The following TRAPPC2L variants were observed in gnomAD, a reference collection of about 807,000 sequenced individuals.
TRAPPC2L encodes the protein trafficking protein particle complex subunit 2L.
Under a neutral mutation model 13.2 loss-of-function variants are expected in TRAPPC2L, and 17 were observed. The ratio of observed to expected loss-of-function variants is 1.29; its 90% CI spans 0.88 to 1.93. The LOEUF (loss-of-function observed/expected upper bound fraction) is 1.93, where lower values mean the gene tolerates loss of function less well. Ranked by LOEUF, TRAPPC2L falls within the 30% of genes most tolerant of loss-of-function variation. TRAPPC2L has a pLI of 0.00. For synonymous variants in TRAPPC2L, 150 were observed against 98.1 expected, an observed-to-expected ratio of 1.53 and a Z score of -3.12; for missense variants, 359 against 252.1, an observed-to-expected ratio of 1.42 and a Z score of -2.87.
chr16:88,859,377 G>A, intron 2 of TRAPPC2L: 1 of 694,744 alleles, frequency 1.4e-6, no homozygotes. Flanking sequence ...GATTCATGAA[G>A]AGGGTGAGGT....
intron 2 of TRAPPC2L, 32 bp from the exon 3 acceptor site, chr16:88,859,631 G>A (rs370652102): frequency 9.3e-6 from 15 of 1,607,012 alleles, no homozygotes; most frequent in African/African-American, 1.3e-5. Context: ...CAGTCCCTGT[G>A]TTACGAGTGC....
chr16:88,860,928 T>C, exon 4 of TRAPPC2L: 3 of 1,594,770 alleles, frequency 1.9e-6, no homozygotes, highest in Non-Finnish European at 2.6e-6. Flanking sequence ...TTTGATAACA[T>C]GGTGACGTCG....
At chr16:88,856,291 G>A (rs192411616), upstream of TRAPPC2L, 13 of 702,984 alleles carry the variant, frequency 1.8e-5, no homozygotes, top group African/African-American at 1.2e-4. Flanking sequence ...CCGAGGTGGC[G>A]GGAGTGATTC....
At chr16:88,860,063 G>A (rs771588693) in exon 4 of TRAPPC2L, 7 of 1,212,904 alleles carry the variant, frequency 5.8e-6, no homozygotes, top group Admixed American at 5.2e-5. Context: ...TGGAAAATAA[G>A]GGAGGAAAGA....
At chr16:88,856,507 C>T (rs536300891), upstream of TRAPPC2L, 81 of 698,354 alleles carry the variant, frequency 1.2e-4, 1 homozygote, top group South Asian at 1.0e-3. Flanking sequence ...GTGTGGTGAT[C>T]GGTGACCGCC....
rs147299835 is a variant in TRAPPC2L, at chr16:88,861,100, T to C, written c.*776T>C. The C allele has an allele frequency of 7.6e-4, 587 of 775,618 alleles. 3 individuals are homozygous for C. In the African/African-American group the frequency reaches 8.9e-3, roughly 12 times the overall value. 48.0% of individuals were successfully genotyped at this position (775,618 alleles called of 1,614,324 possible). The stretch of plus-strand genomic sequence containing the variant: ...CTGTGCATGTTCTCTCAACTAAAGG[T>C]CTTGTGAGAGGAGATTTGGCTTTTT... On this transcript the variant is annotated 3_prime_UTR_variant, in exon 4 of 4. Coordinates refer to ENST00000565504, the Ensembl canonical transcript of TRAPPC2L.
At chr16:88,859,725 C>A in exon 3 of TRAPPC2L, 2 of 1,613,972 alleles carry the variant, frequency 1.2e-6, no homozygotes, top group Non-Finnish European at 1.7e-6. Flanking sequence ...TCCAACACAG[C>A]CCTTCGAGAC....
chr16:88,858,884 G>A (rs1968180186), intron 2 of TRAPPC2L, 93 bp downstream of exon 2: 1 of 1,392,192 alleles, frequency 7.2e-7, no homozygotes, highest in Admixed American at 2.6e-5. Flanking sequence ...AGAAGAAAAA[G>A]AGGTGAGAGT....
intron 1 of TRAPPC2L, 110 bp from the exon 2 acceptor site, chr16:88,858,508 TG>T: frequency 8.4e-7 from 1 of 1,192,988 alleles, no homozygotes; most frequent in Non-Finnish European, 1.2e-6. Flanking sequence ...CCTTAGAGCA[TG>T]GGAATGCGTT....
At chr16:88,856,723 C>A (rs752837728), upstream of TRAPPC2L, 2 of 1,149,962 alleles carry the variant, frequency 1.7e-6, no homozygotes, top group South Asian at 1.5e-5. Flanking sequence ...CCCCGCCCCA[C>A]CCCGGCCCTG....
upstream of TRAPPC2L, chr16:88,856,856 TCGC>T (rs1266972363): frequency 6.6e-7 from 1 of 1,510,292 alleles, no homozygotes; most frequent in South Asian, 1.2e-5. Flanking sequence ...CACCACCTCG[TCGC>T]CGCGACAACC....
At chr16:88,857,613 C>T (rs181525785) in intron 1 of TRAPPC2L, among the ~76,000 whole-genome samples, 1 of 152,396 alleles carries the variant, frequency 6.6e-6, no homozygotes, top group Non-Finnish European at 1.5e-5. Context: ...CCTGAGACCT[C>T]TGCAGTGGCT....
chr16:88,857,272 CT>C, intron 1 of TRAPPC2L, 89 bp downstream of exon 1: 1 of 1,252,130 alleles, frequency 8.0e-7, no homozygotes. Flanking sequence ...TAGAAGGCAC[CT>C]TAGGAAATGG....
chr16:88,857,129 G>T (rs112064548), exon 1 of TRAPPC2L: 2 of 1,558,532 alleles, frequency 1.3e-6, no homozygotes, highest in African/African-American at 1.4e-5. Flanking sequence ...GTGACGCGGT[G>T]CCTGGCGCCG....
chr16:88,862,159 A>G (rs556392543), exon 4 of TRAPPC2L: 3 of 155,158 alleles, frequency 1.9e-5, no homozygotes, highest in Admixed American at 6.5e-5. Flanking sequence ...GCAGCCTGGC[A>G]TGAAATCTTT....
chr16:88,860,198 G>C, exon 4 of TRAPPC2L: 1 of 708,074 alleles, frequency 1.4e-6, no homozygotes, highest in Non-Finnish European at 2.6e-6. Flanking sequence ...GTGTGGTGTG[G>C]GGAGTAGAGC....
chr16:88,857,589 C>G (rs767273737), intron 1 of TRAPPC2L: 65 of 227,538 alleles, frequency 2.9e-4, no homozygotes, highest in Non-Finnish European at 4.5e-4. Flanking sequence ...AAATCGGATC[C>G]TGTCACGCCT....
intron 2 of TRAPPC2L, chr16:88,859,270 T>C (rs909530776): frequency 5.2e-6 from 3 of 574,630 alleles, no homozygotes; most frequent in Non-Finnish European, 9.9e-6. Flanking sequence ...CATTTGCTAG[T>C]AGCCACTATT....
chr16:88,861,692 C>A, exon 4 of TRAPPC2L: 1 of 479,572 alleles, frequency 2.1e-6, no homozygotes, highest in South Asian at 1.5e-5. Flanking sequence ...TCAGTGCCGC[C>A]GGCGTCCTTG....
Sources: gnomAD v4.1 joint callset for allele counts (sites outside exome capture counted in the v4.1 genomes callset) on GRCh38, gnomAD v4.1.1 for gene constraint, MANE v1.5 for transcripts, NCBI Gene and HGNC (gene_info 2026-07-23, HGNC 2026-07-21) for gene names.